Variants in TAB2 observed in about 807,000 individuals in gnomAD.
The protein encoded by TAB2 is TGF-beta activated kinase 1 (MAP3K7) binding protein 2.
TAB2 carries 3 observed loss-of-function variants against 65.0 expected under a neutral mutation model. The ratio of observed to expected loss-of-function variants is 0.05; its 90% confidence interval spans 0.02 to 0.12. The LOEUF is 0.12. Ranked by LOEUF, TAB2 falls within the 10% of genes least tolerant of loss-of-function variation. The pLI is 1.00. For synonymous variants in TAB2, 298 were observed against 285.1 expected (o/e 1.05, Z -0.46); for missense variants, 623 against 840.3 (o/e 0.74, Z 3.20).
chr6:149,226,397 TAAA>T (rs966027709), intron 1 of TAB2, among the ~76,000 whole-genome samples: 1 of 152,092 alleles, frequency 6.6e-6, no homozygotes, highest in Admixed American at 6.5e-5. Context: ...TGTCCATGCA[TAAA>T]AACCATTAAC....
At chr6:149,316,339 G>C (rs1779251100), upstream of TAB2, among the ~76,000 whole-genome samples, 1 of 152,212 alleles carries the variant, frequency 6.6e-6, no homozygotes, top group Non-Finnish European at 1.5e-5. Context: ...TGAGGAAAAA[G>C]GAAGTGGGGA....
At chr6:149,361,058 T>G (rs899668765) in intron 1 of TAB2, among the ~76,000 whole-genome samples, 5 of 152,206 alleles carry the variant, frequency 3.3e-5, no homozygotes. Flanking sequence ...CTGCAGCTTT[T>G]TCTAGCACAA....
intron 1 of TAB2, among the ~76,000 whole-genome samples, chr6:149,283,746 A>G (rs1336157565): frequency 3.3e-5 from 5 of 152,080 alleles, no homozygotes; most frequent in Admixed American, 3.3e-4. Context: ...AAAACATACT[A>G]CAAGAAGAAA....
chr6:149,274,282 T>A (rs1413976415), intron 1 of TAB2, among the ~76,000 whole-genome samples: 1 of 152,220 alleles, frequency 6.6e-6, no homozygotes, highest in African/African-American at 2.4e-5. Flanking sequence ...CTAAAGTATG[T>A]CATGTGACCT....
At chr6:149,342,950 G>A (rs1318166925) in intron 1 of TAB2, 1 of 152,112 alleles carries the variant, frequency 6.6e-6, no homozygotes, top group Non-Finnish European at 1.5e-5. Context: ...TTAAAGTATA[G>A]TAACACTAAC....
chr6:149,365,635 T>A (rs1489863099), intron 1 of TAB2, among the ~76,000 whole-genome samples: 1 of 152,112 alleles, frequency 6.6e-6, no homozygotes, highest in Non-Finnish European at 1.5e-5. Context: ...TGCTGATATT[T>A]TAAATCTGTA....
intron 1 of TAB2, among the ~76,000 whole-genome samples, chr6:149,224,367 T>C (rs2114624756): frequency 6.6e-6 from 1 of 152,320 alleles, no homozygotes; most frequent in East Asian, 1.9e-4. Context: ...AATTCATTAA[T>C]TTTAACCTCT....
chr6:149,405,643 G>A (rs1342840296), intron 6 of TAB2, among the ~76,000 whole-genome samples: 3 of 152,136 alleles, frequency 2.0e-5, no homozygotes, highest in Middle Eastern at 3.2e-3. Flanking sequence ...GACATAAGCC[G>A]GAGAAAGACA....
chr6:149,389,200 C>T lies in TAB2; in HGVS notation c.1604-8404C>T, dbSNP rs149469088. Reference sequence around the variant, plus strand: ...CAATCTCTTGACCTCATAATCCACCCGCATCGGCCTCCCAAAGTGCTGGGA... The same window carrying T: ...CAATCTCTTGACCTCATAATCCACCTGCATCGGCCTCCCAAAGTGCTGGGA... On this transcript the variant is annotated intron_variant, in intron 3 of 6. Coordinates refer to ENST00000637181, the MANE Select transcript of TAB2 (RefSeq NM_001292034.3). 7.1e-3 allele frequency among the ~76,000 whole-genome samples: 1,076 copies of T among 152,054 alleles called. 11 individuals carry two copies. Among genetic ancestry groups the T allele is most frequent in the African/African-American group, 0.025 (1,037 of 41,486 alleles).
At chr6:149,326,114 A>G (rs1779608561) in intron 1 of TAB2, among the ~76,000 whole-genome samples, 1 of 152,168 alleles carries the variant, frequency 6.6e-6, no homozygotes, top group Admixed American at 6.5e-5. Context: ...AGTACCAAGA[A>G]GAGTAAACAA....
At position 149,369,799 on chromosome 6, in the gene TAB2, T is replaced by G; in HGVS notation, c.-89-110T>G. On this transcript the variant is annotated intron_variant, in intron 1 of 6. Coordinates refer to ENST00000637181, the MANE Select transcript of TAB2 (RefSeq NM_001292034.3). ...TTTAGGTCTAAATATTTTTATAGTT[T>G]ATAATGTTAAGTGCTAAAGCACATA... 6.6e-6 allele frequency: 4 copies of G among 608,898 alleles called. No homozygotes were observed. In the South Asian group the frequency reaches 8.1e-5, roughly 12 times the overall value. 37.7% of individuals were successfully genotyped at this position (608,898 alleles called of 1,614,324 possible). A position where few individuals can be genotyped will look rare whatever the true frequency, so the allele number is the denominator to read the frequency against.
chr6:149,344,977 T>TATG (rs1780247071), intron 1 of TAB2, among the ~76,000 whole-genome samples: 1 of 152,208 alleles, frequency 6.6e-6, no homozygotes, highest in Non-Finnish European at 1.5e-5. Context: ...CACCTTTGTA[T>TATG]ATGATAGTAC....
At chr6:149,372,898 G>A (rs910620168) in intron 2 of TAB2, among the ~76,000 whole-genome samples, 1 of 152,114 alleles carries the variant, frequency 6.6e-6, no homozygotes, top group African/African-American at 2.4e-5. Context: ...TCTCAGTTGG[G>A]TGGGTTTCTG....
intron 3 of TAB2, among the ~76,000 whole-genome samples, chr6:149,381,572 T>TC (rs1251205351): frequency 7.4e-6 from 1 of 134,964 alleles, no homozygotes; most frequent in Non-Finnish European, 1.5e-5. Flanking sequence ...TCCTATTCTT[T>TC]TTTTTTTTTT....
At chr6:149,264,580 A>G (rs931638735) in intron 1 of TAB2, among the ~76,000 whole-genome samples, 19 of 152,296 alleles carry the variant, frequency 1.2e-4, no homozygotes, top group African/African-American at 4.6e-4. Context: ...CCACCCGAGT[A>G]CAGTGCGTTT....
chr6:149,243,617 T>C (rs1319577981), intron 1 of TAB2: 1 of 152,264 alleles, frequency 6.6e-6, no homozygotes, highest in African/African-American at 2.4e-5. Context: ...TTTCACCTTA[T>C]TGACTTACCT....
chr6:149,392,847 CTAACATTGTTTCATAATGAGTCTAA>C (rs1782036563), intron 3 of TAB2, among the ~76,000 whole-genome samples: 1 of 152,138 alleles, frequency 6.6e-6, no homozygotes, highest in Non-Finnish European at 1.5e-5. Flanking sequence ...TAATGATCTA[CTAACATTGTTTCATAATGAGTCTAA>C]TCACATTGTT....
At chr6:149,269,651 T>C (rs1252430982) in intron 1 of TAB2, among the ~76,000 whole-genome samples, 4 of 152,200 alleles carry the variant, frequency 2.6e-5, no homozygotes, top group Admixed American at 2.6e-4. Context: ...TCCTTGTAGT[T>C]TTACCTTTGC....
In TAB2 at chr6:149,400,867, C is replaced by T. The variant is rs562397101; in HGVS notation, c.1939+1683C>T. 12 of 636,562 alleles carry T rather than the reference C, an allele frequency of 1.9e-5. 1 individual carries two copies. The South Asian group carries it at 3.1e-4, about 16-fold the overall frequency. The allele number at this position is 636,562 out of a possible 1,614,324, so 39.4% of individuals were successfully genotyped here. A position where few individuals can be genotyped will look rare whatever the true frequency, so the allele number is the denominator to read the frequency against. Reference sequence around the variant, plus strand: ...GAAGTAACTGGTATGTGTACACAAGCATATTGCTTTTTTCTTCAAACCAAA... The same window carrying T: ...GAAGTAACTGGTATGTGTACACAAGTATATTGCTTTTTTCTTCAAACCAAA... On this transcript the variant is annotated intron_variant, in intron 6 of 6. Coordinates refer to ENST00000637181, the MANE Select transcript of TAB2 (RefSeq NM_001292034.3).
Sources: allele counts gnomAD v4.1 joint callset (sites outside exome capture counted in the v4.1 genomes callset), GRCh38; gene constraint gnomAD v4.1.1; transcripts MANE v1.5; gene names NCBI Gene and HGNC (gene_info 2026-07-23, HGNC 2026-07-21).